ARHGAP24: variants seen among roughly 807,000 people sequenced by gnomAD.
ARHGAP24 encodes Rho GTPase activating protein 24, also known as rho GTPase-activating protein 24.
ARHGAP24 carries 50 observed loss-of-function variants against 76.4 expected under a neutral mutation model. That is an observed-to-expected ratio of 0.65 (90% CI 0.52 to 0.83). The LOEUF (loss-of-function observed/expected upper bound fraction) is 0.83. ARHGAP24 is among the 40% of genes least tolerant of loss of function. ARHGAP24 has a pLI of 0.00. For synonymous variants in ARHGAP24, 345 were observed against 323.3 expected, an observed-to-expected ratio of 1.07 and a Z score of -0.72; for missense variants, 930 against 914.2, an observed-to-expected ratio of 1.02 and a Z score of -0.22.
chr4:85,858,044 C>T (rs1731684311), intron 3 of ARHGAP24, among the ~76,000 whole-genome samples: 1 of 152,046 alleles, frequency 6.6e-6, no homozygotes, highest in African/African-American at 2.4e-5. Flanking sequence ...TTCTTTAATA[C>T]CTACCACAAA....
intron 2 of ARHGAP24, among the ~76,000 whole-genome samples, chr4:85,675,852 G>T (rs1722963659): frequency 6.6e-6 from 1 of 152,122 alleles, no homozygotes; most frequent in African/African-American, 2.4e-5. Flanking sequence ...AGGCAGGATG[G>T]TTAGAGCCAA....
intron 1 of ARHGAP24, among the ~76,000 whole-genome samples, chr4:85,520,551 A>G (rs1213566601): frequency 6.6e-6 from 1 of 152,116 alleles, no homozygotes; most frequent in Non-Finnish European, 1.5e-5. Flanking sequence ...AAATGTGGGC[A>G]ATGATGGGGG....
chr4:85,894,235 G>T (rs796205430), intron 3 of ARHGAP24, among the ~76,000 whole-genome samples: 1 of 152,062 alleles, frequency 6.6e-6, no homozygotes, highest in African/African-American at 2.4e-5. Flanking sequence ...AGAGAAGAGA[G>T]GGAGATGTCA....
At chr4:85,964,948 G>A (rs564305098) in intron 5 of ARHGAP24, among the ~76,000 whole-genome samples, 6 of 152,094 alleles carry the variant, frequency 3.9e-5, no homozygotes, top group African/African-American at 1.4e-4. Flanking sequence ...AATATTCTTT[G>A]TACATGATAA....
chr4:85,886,424 C>CCA (rs1733572902), intron 3 of ARHGAP24, among the ~76,000 whole-genome samples: 1 of 152,062 alleles, frequency 6.6e-6, no homozygotes, highest in African/African-American at 2.4e-5. Context: ...AAGGTGAGCA[C>CCA]TTAATAGATG....
chr4:85,572,463 C>T (rs920290517), intron 2 of ARHGAP24, among the ~76,000 whole-genome samples: 5 of 152,110 alleles, frequency 3.3e-5, no homozygotes, highest in African/African-American at 7.2e-5. Context: ...TTGAGAAACA[C>T]GGACCACAGT....
At chr4:85,929,768 G>T (rs1294134398) in intron 4 of ARHGAP24, among the ~76,000 whole-genome samples, 1 of 152,130 alleles carries the variant, frequency 6.6e-6, no homozygotes, top group East Asian at 1.9e-4. Context: ...TGTTTTCAGG[G>T]TATGCATGTT....
intron 1 of ARHGAP24, among the ~76,000 whole-genome samples, chr4:85,564,492 G>A (rs533545794): frequency 4.7e-4 from 71 of 151,542 alleles, no homozygotes; most frequent in African/African-American, 1.2e-3. Context: ...GTATACATAT[G>A]TAACAAACCT....
intron 4 of ARHGAP24, among the ~76,000 whole-genome samples, chr4:85,937,820 T>G (rs1578409119): frequency 6.6e-6 from 1 of 152,162 alleles, no homozygotes; most frequent in Non-Finnish European, 1.5e-5. Context: ...AATATCAAAT[T>G]GCAAAAGTTA....
chr4:85,987,673 T>C (rs1319779122), intron 8 of ARHGAP24, among the ~76,000 whole-genome samples: 1 of 152,020 alleles, frequency 6.6e-6, no homozygotes, highest in Non-Finnish European at 1.5e-5. Flanking sequence ...AAGTGAATAT[T>C]ACACTCGATG....
At chr4:85,545,104 TA>T (rs765014274) in intron 1 of ARHGAP24, among the ~76,000 whole-genome samples, 12 of 151,694 alleles carry the variant, frequency 7.9e-5, no homozygotes, top group African/African-American at 7.3e-5. Flanking sequence ...CTTTTTTTTT[TA>T]AATTTTTTAA....
intron 1 of ARHGAP24, among the ~76,000 whole-genome samples, chr4:85,484,220 T>C (rs1465290288): frequency 5.9e-5 from 9 of 152,202 alleles, no homozygotes; most frequent in Non-Finnish European, 1.3e-4. Context: ...TCTAGAACTA[T>C]ACATTGTTTA....
chr4:85,533,553 AG>A (rs1323916195), intron 1 of ARHGAP24, among the ~76,000 whole-genome samples: 14 of 152,178 alleles, frequency 9.2e-5, no homozygotes, highest in African/African-American at 3.1e-4. Context: ...GTGTTTCATT[AG>A]CTTTAGAGGC....
At chr4:85,897,982 CACACATATATATATATATAT>C (rs1369648719) in intron 3 of ARHGAP24, among the ~76,000 whole-genome samples, 1 of 89,192 alleles carries the variant, frequency 1.1e-5, no homozygotes, top group East Asian at 2.3e-4. Flanking sequence ...ACCTCTAATA[CACACATATATATATATATAT>C]ACACATATAT....
At chr4:85,977,025 T>C (rs1194442117) in intron 7 of ARHGAP24, among the ~76,000 whole-genome samples, 1 of 152,090 alleles carries the variant, frequency 6.6e-6, no homozygotes, top group Non-Finnish European at 1.5e-5. Flanking sequence ...TGACCTCAGG[T>C]GATCCACCTG....
At chr4:85,977,484 A>T (rs1739408920) in intron 7 of ARHGAP24, 86 bp from the exon 8 acceptor site, 2 of 1,448,220 alleles carry the variant, frequency 1.4e-6, no homozygotes, top group South Asian at 1.2e-5. Context: ...ACATAACTTT[A>T]GTTTGTAAAT....
chr4:85,795,382 A>G (rs1214761690), intron 3 of ARHGAP24, among the ~76,000 whole-genome samples: 1 of 152,138 alleles, frequency 6.6e-6, no homozygotes, highest in Non-Finnish European at 1.5e-5. Context: ...AGCATAATAG[A>G]GTTGACACCC....
At chr4:85,525,257 C>CTTTTTTT (rs34087239) in intron 1 of ARHGAP24, among the ~76,000 whole-genome samples, 7 of 128,360 alleles carry the variant, frequency 5.5e-5, no homozygotes, top group Non-Finnish European at 1.1e-4. Flanking sequence ...GTATTATCGG[C>CTTTTTTT]TTTTTTTTTT....
chr4:86,000,442 C>CGGGGGGGGG, intron 9 of ARHGAP24, 37 bp from the exon 10 acceptor site: 2 of 807,894 alleles, frequency 2.5e-6, no homozygotes, highest in Non-Finnish European at 3.9e-6. Flanking sequence ...CTTACTCTTG[C>CGGGGGGGGG]GTCCCCACCC....
Sources: allele counts gnomAD v4.1 joint callset (sites outside exome capture counted in the v4.1 genomes callset), GRCh38; gene constraint gnomAD v4.1.1; transcripts MANE v1.5; gene names NCBI Gene and HGNC (gene_info 2026-07-23, HGNC 2026-07-21).